Variants in C1orf21 observed in about 807,000 individuals in gnomAD.
C1orf21 encodes the protein uncharacterized protein C1orf21.
C1orf21 carries 3 observed loss-of-function variants against 18.7 expected under a neutral mutation model. The ratio of observed to expected loss-of-function variants is 0.16; its 90% CI spans 0.07 to 0.42. The LOEUF (loss-of-function observed/expected upper bound fraction) is 0.42. Ranked by LOEUF, C1orf21 falls within the 10% of genes least tolerant of loss-of-function variation. The pLI, the probability that C1orf21 is intolerant of heterozygous loss-of-function variation, is 0.99. For missense variants in C1orf21, 104 were observed against 143.6 expected (o/e 0.72, Z 1.41); for synonymous variants, 41 against 46.4 (o/e 0.88, Z 0.47).
At chr1:184,519,253 G>C (rs1421130422) in intron 3 of C1orf21, among the ~76,000 whole-genome samples, 1 of 152,166 alleles carries the variant, frequency 6.6e-6, no homozygotes, top group Non-Finnish European at 1.5e-5. Flanking sequence ...TGGTTGAACA[G>C]ATTTACTCTT....
At chr1:184,526,917 G>T (rs1658385600) in intron 3 of C1orf21, among the ~76,000 whole-genome samples, 1 of 151,968 alleles carries the variant, frequency 6.6e-6, no homozygotes, top group South Asian at 2.1e-4. Context: ...GTCCTTAAGG[G>T]GCTCACTGTC....
At chr1:184,521,255 A>T (rs1658302692) in intron 3 of C1orf21, among the ~76,000 whole-genome samples, 1 of 152,156 alleles carries the variant, frequency 6.6e-6, no homozygotes. Context: ...ATCTTACCAT[A>T]TGTCTAGAAA....
chr1:184,426,640 C>G (rs895354491), intron 1 of C1orf21, among the ~76,000 whole-genome samples: 23 of 152,178 alleles, frequency 1.5e-4, no homozygotes, highest in Middle Eastern at 3.2e-3. Context: ...GCTTAAATGT[C>G]CTTTCCTCAG....
chr1:184,416,557 G>C (rs1047985221), intron 1 of C1orf21, among the ~76,000 whole-genome samples: 1 of 151,978 alleles, frequency 6.6e-6, no homozygotes, highest in Non-Finnish European at 1.5e-5. Flanking sequence ...AATCACTTTT[G>C]GAACTCTTGA....
At chr1:184,393,910 T>C in intron 1 of C1orf21, among the ~76,000 whole-genome samples, 1 of 152,228 alleles carries the variant, frequency 6.6e-6, no homozygotes. Flanking sequence ...TCCAATTTGT[T>C]GTAATTTTAC....
chr1:184,545,601 G>A (rs970815393), intron 3 of C1orf21, among the ~76,000 whole-genome samples: 18 of 151,924 alleles, frequency 1.2e-4, no homozygotes, highest in East Asian at 3.9e-4. Context: ...AGGGCTGTTC[G>A]GGCCATAACT....
rs529227796 is a variant in C1orf21 at position 184,514,846 on chromosome 1, A to G, written c.189+7164A>G. Among the ~76,000 whole-genome samples the G allele has an allele frequency of 3.8e-4, 58 of 152,364 alleles. 1 individual carries two copies. The Middle Eastern group carries it at 0.014, about 36-fold the overall frequency. On this transcript the variant is annotated intron_variant, in intron 3 of 5. Coordinates refer to ENST00000235307, the MANE Select transcript of C1orf21 (RefSeq NM_030806.4). ...AAAAATCATGTAGATTGTGGAATGG[A>G]TATGTATAGCATGATGCCATTTAAG...
intron 1 of C1orf21, among the ~76,000 whole-genome samples, chr1:184,471,534 G>C (rs967699330): frequency 1.3e-5 from 2 of 152,058 alleles, no homozygotes; most frequent in Non-Finnish European, 2.9e-5. Context: ...GAAAGAGGCC[G>C]AGAGACATGA....
chr1:184,542,376 G>A (rs1419921059), intron 3 of C1orf21, among the ~76,000 whole-genome samples: 1 of 152,164 alleles, frequency 6.6e-6, no homozygotes, highest in African/African-American at 2.4e-5. Flanking sequence ...CACACAACCA[G>A]TAAAGAATGG....
Position 184,504,612 on chromosome 1 carries a change from T to C in C1orf21, c.95-2976T>C, listed in dbSNP as rs138208819. ...GATGAGATGTCTGTTTCCAGATGGATATCTTCCTTCCCGGCACCAGCCTTT... is the reference window on the plus strand; with the variant it reads ...GATGAGATGTCTGTTTCCAGATGGACATCTTCCTTCCCGGCACCAGCCTTT... On this transcript the variant is annotated intron_variant, in intron 2 of 5. Coordinates refer to ENST00000235307, the MANE Select transcript of C1orf21 (RefSeq NM_030806.4). 5.9e-3 allele frequency among the ~76,000 whole-genome samples: 906 copies of C among 152,336 alleles called. 5 individuals carry two copies. The highest frequency in any genetic ancestry group is 6.4e-3 in the Non-Finnish European group (432 of 68,024).
intron 2 of C1orf21, among the ~76,000 whole-genome samples, chr1:184,489,371 C>CA (rs1364266440): frequency 4.6e-5 from 7 of 151,628 alleles, no homozygotes; most frequent in Non-Finnish European, 8.8e-5. Context: ...TAAAATAAAC[C>CA]AAAAAAACAA....
Position 184,628,846 on chromosome 1 carries a change from G to A in C1orf21, c.*9290G>A, listed in dbSNP as rs41263686. The A allele has an allele frequency of 0.094, 14,353 of 152,478 alleles. 932 individuals carry two copies. The highest frequency in any genetic ancestry group is 0.15 in the Non-Finnish European group (9,947 of 67,958). The allele number at this position is 152,478 out of a possible 1,614,324, so 9.4% of individuals were successfully genotyped here. On this transcript the variant is annotated 3_prime_UTR_variant, in exon 6 of 6. Transcript: ENST00000235307. ...CCCCACGTAGCAGTGGGCCCATGTC[G>A]CTTGAATATTATTTTTGATTTGACC... is the stretch of plus-strand genomic sequence containing the variant.
chr1:184,607,649 G>A (rs935652398), intron 5 of C1orf21, among the ~76,000 whole-genome samples: 1 of 148,856 alleles, frequency 6.7e-6, no homozygotes, highest in African/African-American at 2.5e-5. Flanking sequence ...ATATGTGTGT[G>A]TATATATACA....
intron 1 of C1orf21, among the ~76,000 whole-genome samples, chr1:184,458,298 A>G (rs181251867): frequency 6.6e-6 from 1 of 152,306 alleles, no homozygotes; most frequent in East Asian, 1.9e-4. Flanking sequence ...TAAGATACAG[A>G]TAGTCCAATG....
intron 3 of C1orf21, among the ~76,000 whole-genome samples, chr1:184,570,922 A>G (rs1031746893): frequency 6.6e-6 from 1 of 152,218 alleles, no homozygotes; most frequent in Non-Finnish European, 1.5e-5. Flanking sequence ...CTTGTACAGC[A>G]TGTCACTGAG....
intron 5 of C1orf21, among the ~76,000 whole-genome samples, chr1:184,616,658 G>C (rs890167590): frequency 2.0e-5 from 3 of 152,132 alleles, no homozygotes; most frequent in Admixed American, 6.5e-5. Flanking sequence ...TTTCATGTAT[G>C]CATGTGTGTG....
chr1:184,534,560 GTGT>G (rs1246134947), intron 3 of C1orf21, among the ~76,000 whole-genome samples: 2 of 151,844 alleles, frequency 1.3e-5, no homozygotes, highest in African/African-American at 4.8e-5. Flanking sequence ...ACATTTGGTT[GTGT>G]TTTTTTTTAT....
At chr1:184,487,538 A>G (rs926021890) in intron 2 of C1orf21, among the ~76,000 whole-genome samples, 1 of 152,226 alleles carries the variant, frequency 6.6e-6, no homozygotes, top group Non-Finnish European at 1.5e-5. Flanking sequence ...CTCCTTGGGA[A>G]TAACACATTG....
chr1:184,479,521 C>T (rs1474579063), intron 2 of C1orf21, among the ~76,000 whole-genome samples: 1 of 151,848 alleles, frequency 6.6e-6, no homozygotes, highest in Non-Finnish European at 1.5e-5. Context: ...GGTTACCCAG[C>T]TACGAAGTGC....
Sources: gnomAD v4.1 joint callset for allele counts (sites outside exome capture counted in the v4.1 genomes callset) on GRCh38, gnomAD v4.1.1 for gene constraint, MANE v1.5 for transcripts, NCBI Gene and HGNC (gene_info 2026-07-23, HGNC 2026-07-21) for gene names.